Variants in HNRNPL observed in about 807,000 individuals in gnomAD.
HNRNPL encodes epididymis secretory sperm binding protein.
Under a neutral mutation model 64.0 loss-of-function variants are expected in HNRNPL, and 12 were observed. That is an observed-to-expected ratio of 0.19 (90% CI 0.12 to 0.30). The LOEUF (loss-of-function observed/expected upper bound fraction) is 0.30. Ranked by LOEUF, HNRNPL falls within the 10% of genes least tolerant of loss-of-function variation. The pLI, the probability that HNRNPL is intolerant of heterozygous loss-of-function variation, is 1.00. For synonymous variants in HNRNPL, 385 were observed against 313.0 expected, an observed-to-expected ratio of 1.23 and a Z score of -2.43; for missense variants, 484 against 797.4, an observed-to-expected ratio of 0.61 and a Z score of 4.73.
Position 38,836,717 on chromosome 19 carries a change from C to G in HNRNPL, c.*5G>C, listed in dbSNP as rs1336237812. ...GCTCAGATGGGACTCTTCCTAGGCA[C>G]CTAATTAGGAGGCGTGCTGAGCAGT... On this transcript the variant is annotated 3_prime_UTR_variant, in exon 13 of 13. Transcript: ENST00000221419. 5.6e-6 allele frequency: 9 copies of G among 1,603,190 alleles called. No homozygotes were observed. The highest frequency in any genetic ancestry group is 1.7e-4 in the Middle Eastern group (1 of 6,054).
In HNRNPL at chr19:38,836,461, G is replaced by GA. The variant is rs35971309; in HGVS notation, c.*260dup. The GA allele has an allele frequency of 0.023, 7,217 of 315,804 alleles. 1 individual carries two copies. The highest frequency in any genetic ancestry group is 0.034 in the South Asian group (614 of 18,094). The allele number at this position is 315,804 out of a possible 1,614,324, so 19.6% of individuals were successfully genotyped here. On this transcript the variant is annotated 3_prime_UTR_variant, in exon 13 of 13. Coordinates refer to ENST00000221419, the MANE Select transcript of HNRNPL (RefSeq NM_001533.3). Reference sequence around the variant, plus strand: ...ATGGGCAGCACAAATGTATGAACAGGAAAAAAAAAAATCACATGTACAATA... The same window carrying GA: ...ATGGGCAGCACAAATGTATGAACAGGAAAAAAAAAAAATCACATGTACAATA...
intron 2 of HNRNPL, 108 bp downstream of exon 2, chr19:38,847,208 A>T (rs1972329427): frequency 1.8e-6 from 1 of 546,832 alleles, no homozygotes; most frequent in Non-Finnish European, 3.2e-6. Flanking sequence ...CACAGAATCT[A>T]GACCAGGATG....
rs1178296869 is a variant in HNRNPL, at chr19:38,837,378, A to G, written c.1711+6T>C. On this transcript the variant is annotated splice_donor_region_variant and intron_variant, in intron 12 of 12. Transcript: ENST00000221419. ...GTTGATGCCTGCAGGACACACAGAT[A>G]CTCACTTGGGTTTTTCATCTGGTAA... The G allele has an allele frequency of 6.2e-7, 1 of 1,609,952 alleles. No homozygotes were observed. The highest frequency in any genetic ancestry group is 8.5e-7 in the Non-Finnish European group (1 of 1,176,318).
intron 4 of HNRNPL, among the ~76,000 whole-genome samples, chr19:38,844,310 C>T (rs933233245): frequency 9.2e-5 from 14 of 152,188 alleles, no homozygotes; most frequent in Admixed American, 1.3e-4. Flanking sequence ...TGAGCAGTCA[C>T]TGGCCAGAGT....
At chr19:38,840,617 T>A in intron 6 of HNRNPL, 58 bp from the exon 7 acceptor site, 1 of 1,348,188 alleles carries the variant, frequency 7.4e-7, no homozygotes, top group Non-Finnish European at 1.0e-6. Flanking sequence ...TCTCCCTCCC[T>A]CCTGACTGCA....
chr19:38,846,589 T>C (rs947140840), intron 2 of HNRNPL, among the ~76,000 whole-genome samples: 15 of 152,144 alleles, frequency 9.9e-5, no homozygotes, highest in African/African-American at 2.9e-4. Context: ...CTGGCCAACA[T>C]GGCAAAACCT....
In HNRNPL at chr19:38,837,069, T is replaced by TGG. The variant is rs138463640; in HGVS notation, c.1712-290_1712-289insCC. 1,313 of 547,416 alleles carry TGG rather than the reference T, an allele frequency of 2.4e-3. 9 individuals carry two copies. Among genetic ancestry groups the TGG allele is most frequent in the African/African-American group, 0.018 (976 of 53,196 alleles). The allele number at this position is 547,416 out of a possible 1,614,324, so 33.9% of individuals were successfully genotyped here. A position where few individuals can be genotyped will look rare whatever the true frequency, so the allele number is the denominator to read the frequency against. On this transcript the variant is annotated intron_variant, in intron 12 of 12. Coordinates refer to ENST00000221419, the MANE Select transcript of HNRNPL (RefSeq NM_001533.3). ...GCAAGTTTTACCTGCTGGATAGTGTTGCCTCTTTCCTAGGTAACAGAGTGG... is the reference window on the plus strand; with the variant it reads ...GCAAGTTTTACCTGCTGGATAGTGTTGGGCCTCTTTCCTAGGTAACAGAGTGG...
rs760095833 is a variant in HNRNPL, at chr19:38,837,660, G to A, written c.1558-9C>T. ...CCCAGCTCATCGCAGATCTGCAAAA[G>A]AAAACAGGTAGTAAATGAACTCTGA... On this transcript the variant is annotated splice_polypyrimidine_tract_variant and intron_variant, in intron 10 of 12. Coordinates refer to ENST00000221419, the MANE Select transcript of HNRNPL (RefSeq NM_001533.3). 13 of 1,613,774 alleles carry A rather than the reference G, an allele frequency of 8.1e-6. No individual in the cohort carries two copies. The highest frequency in any genetic ancestry group is 4.4e-5 in the South Asian group (4 of 91,080).
At chr19:38,848,689 C>G (rs1015622623) in intron 1 of HNRNPL, among the ~76,000 whole-genome samples, 1 of 152,226 alleles carries the variant, frequency 6.6e-6, no homozygotes, top group African/African-American at 2.4e-5. Context: ...CTAACTCCAG[C>G]CCTGCCCCTC....
In HNRNPL at chr19:38,838,577, G is replaced by T; in HGVS notation, c.1377C>A (p.Ile459=). 1 of 1,614,046 alleles carries T rather than the reference G, an allele frequency of 6.2e-7. No homozygotes were observed. The highest frequency in any genetic ancestry group is 8.5e-7 in the Non-Finnish European group (1 of 1,179,918). ...LNVCVSKQPA[I]MPGQSYGLED... ...CCAACCCGTATGACTGACCAGGCAT[G>T]ATGGCTGGCTGCTTGGAGACACTGC... Residue 459 remains isoleucine, a synonymous_variant, in exon 10 of 13, where the codon ATC becomes ATA. Coordinates refer to ENST00000221419, the MANE Select transcript of HNRNPL (RefSeq NM_001533.3).
chr19:38,848,900 T>C (rs1972396838), intron 1 of HNRNPL, among the ~76,000 whole-genome samples: 1 of 152,180 alleles, frequency 6.6e-6, no homozygotes, highest in African/African-American at 2.4e-5. Flanking sequence ...TGGAAAACCC[T>C]GCAAATAGGC....
At chr19:38,840,773 C>G (rs1027771511) in intron 6 of HNRNPL, 7 of 577,474 alleles carry the variant, frequency 1.2e-5, no homozygotes, top group Non-Finnish European at 1.8e-5. Flanking sequence ...CTGCTCATAC[C>G]AAAGGGCTGG....
chr19:38,843,806 C>T (rs1258129443), intron 6 of HNRNPL, 36 bp downstream of exon 6: 10 of 1,550,722 alleles, frequency 6.4e-6, no homozygotes, highest in African/African-American at 2.7e-5. Flanking sequence ...GAAAGCAAGG[C>T]GGGTATGTTT....
At chr19:38,847,463 T>C in intron 1 of HNRNPL, 29 bp from the exon 2 acceptor site, 1 of 1,386,114 alleles carries the variant, frequency 7.2e-7, no homozygotes, top group Non-Finnish European at 9.8e-7. Context: ...ACAAGAATTA[T>C]TTTCTTGCTG....
At chr19:38,848,030 C>A (rs1385104719) in intron 1 of HNRNPL, among the ~76,000 whole-genome samples, 1 of 152,188 alleles carries the variant, frequency 6.6e-6, no homozygotes, top group Non-Finnish European at 1.5e-5. Context: ...ATCGCCCTCC[C>A]ACCAAAATCT....
chr19:38,838,358 G>A, intron 10 of HNRNPL, 39 bp downstream of exon 10: 1 of 1,555,078 alleles, frequency 6.4e-7, no homozygotes, highest in Non-Finnish European at 8.8e-7. Flanking sequence ...GACGGCCGTG[G>A]CAAGGACCCG....
At chr19:38,849,365 G>A (rs564435025) in intron 1 of HNRNPL, 12 of 261,390 alleles carry the variant, frequency 4.6e-5, no homozygotes, top group African/African-American at 2.0e-4. Flanking sequence ...TGCGCATGGA[G>A]CCAGCGAAGA....
intron 1 of HNRNPL, among the ~76,000 whole-genome samples, chr19:38,848,550 CCTGT>C (rs1568375539): frequency 1.3e-5 from 2 of 152,190 alleles, no homozygotes; most frequent in East Asian, 1.9e-4. Context: ...GGGCCGGCCC[CCTGT>C]CTGAGAATCA....
At chr19:38,850,112 G>T (rs1176381918), upstream of HNRNPL, 9 of 597,382 alleles carry the variant, frequency 1.5e-5, no homozygotes, top group South Asian at 5.7e-5. Context: ...ATTGGACATT[G>T]CCCACGCCGT....
Sources: allele counts gnomAD v4.1 joint callset (sites outside exome capture counted in the v4.1 genomes callset), GRCh38; gene constraint gnomAD v4.1.1; transcripts MANE v1.5; gene names NCBI Gene and HGNC (gene_info 2026-07-23, HGNC 2026-07-21).